NFS1: variants seen among roughly 807,000 people sequenced by gnomAD.
NFS1 encodes NFS1 cysteine desulfurase.
NFS1 carries 26 observed loss-of-function variants against 57.3 expected under a neutral mutation model. The ratio of observed to expected loss-of-function variants is 0.45; its 90% CI spans 0.33 to 0.63. The LOEUF (loss-of-function observed/expected upper bound fraction) is 0.63. NFS1 is among the 20% of genes least tolerant of loss of function. NFS1 has a pLI of 0.02. For synonymous variants in NFS1, 209 were observed against 216.3 expected, an observed-to-expected ratio of 0.97 and a Z score of 0.30; for missense variants, 505 against 605.8, an observed-to-expected ratio of 0.83 and a Z score of 1.75.
At chr20:35,676,773 A>C (rs1367971253) in intron 7 of NFS1, among the ~76,000 whole-genome samples, 6 of 148,840 alleles carry the variant, frequency 4.0e-5, no homozygotes, top group Admixed American at 6.7e-5. Context: ...AAAAAAAAAA[A>C]AAAAAAAAAA....
At chr20:35,698,759 A>C in intron 1 of NFS1, 169 bp from the exon 2 acceptor site, 3 of 1,413,212 alleles carry the variant, frequency 2.1e-6, no homozygotes, top group Non-Finnish European at 2.8e-6. Context: ...CACGCTGTAA[A>C]AGGAGGTAAG....
At chr20:35,689,665 G>A (rs1272438512) in intron 5 of NFS1, among the ~76,000 whole-genome samples, 1 of 152,058 alleles carries the variant, frequency 6.6e-6, no homozygotes, top group Non-Finnish European at 1.5e-5. Flanking sequence ...AGCTACTTGG[G>A]AGGCCGAGGC....
chr20:35,673,196 G>A (rs1265971170), intron 11 of NFS1, among the ~76,000 whole-genome samples: 1 of 152,030 alleles, frequency 6.6e-6, no homozygotes, highest in Non-Finnish European at 1.5e-5. Context: ...GCTGAGGCAG[G>A]AGAATTGCTT....
At chr20:35,675,301 T>G in intron 7 of NFS1, 99 bp from the exon 8 acceptor site, 1 of 1,277,872 alleles carries the variant, frequency 7.8e-7, no homozygotes, top group Middle Eastern at 2.0e-4. Context: ...TCAACTTTTC[T>G]GTAAGCATGA....
At position 35,697,673 on chromosome 20, in the gene NFS1, T is replaced by A. The variant is rs575011530; in HGVS notation, c.324+11A>T. The A allele has an allele frequency of 1.9e-6, 3 of 1,597,020 alleles. No homozygotes were observed. The African/African-American group carries it at 4.0e-5, about 21-fold the overall frequency. On this transcript the variant is annotated intron_variant, in intron 3 of 12. Transcript: ENST00000374092. ...TTGACCTTAGAACCTCCTAGACTCC[T>A]GTGTACTAACCTGACGAGCACGTTC...
chr20:35,675,818 C>T (rs1055650097), intron 7 of NFS1: 6 of 146,448 alleles, frequency 4.1e-5, no homozygotes, highest in African/African-American at 1.5e-4. Context: ...TTGCAGTGAG[C>T]TGAGATCAAG....
At position 35,698,557 on chromosome 20, in the gene NFS1, G is replaced by C. The variant is rs773479525; in HGVS notation, c.131C>G (p.Ala44Gly). 12 of 1,613,532 alleles carry C rather than the reference G, an allele frequency of 7.4e-6. No individual in the cohort carries two copies. The highest frequency in any genetic ancestry group is 1.0e-5 in the Non-Finnish European group (12 of 1,179,870). ...CACCTCCGGGGCAGCGGCTGTATCT[G>C]CGGGAACCGCAGACTGAGGAGCACG... ...GDRAPQSAVP[A>G]DTAAAPEVGP... Residue 44 changes from alanine to glycine, a missense_variant, in exon 2 of 13, where the codon GCA becomes GGA. By Grantham distance (60) the Ala-to-Gly change is moderately conservative. Coordinates refer to ENST00000374092, the MANE Select transcript of NFS1 (RefSeq NM_021100.5).
chr20:35,698,708 G>T (rs1039220825), intron 1 of NFS1, 118 bp from the exon 2 acceptor site: 7 of 1,425,124 alleles, frequency 4.9e-6, no homozygotes, highest in Non-Finnish European at 6.5e-6. Flanking sequence ...GGGATGCTAG[G>T]GTCGAATCTC....
At chr20:35,693,204 G>C (rs1259783024) in intron 4 of NFS1, among the ~76,000 whole-genome samples, 1 of 152,046 alleles carries the variant, frequency 6.6e-6, no homozygotes, top group Non-Finnish European at 1.5e-5. Flanking sequence ...CCGAGTTCAA[G>C]CAATTCTCTT....
rs1054199906 is a variant in NFS1 at position 35,674,430 on chromosome 20, G to A, written c.1056C>T (p.Gly352=). ...CATATGCAAAGGAGAGGTTGATACA[G>A]CCTGGAGGAAAGAAATACTGTGAGA... The part of the protein sequence containing the change: ...MNGDPKHHYP[G]CINLSFAYVE... The change falls in exon 10 of 13, where the codon GGC becomes GGT. Residue 352 remains glycine (G), a splice_region_variant and synonymous_variant. Coordinates refer to ENST00000374092, the MANE Select transcript of NFS1 (RefSeq NM_021100.5). 6.2e-7 allele frequency: 1 copy of A among 1,613,900 alleles called. No homozygotes were observed. Among genetic ancestry groups the A allele is most frequent in the Non-Finnish European group, 8.5e-7 (1 of 1,179,876 alleles).
chr20:35,680,955 A>ACCC, intron 6 of NFS1, 84 bp from the exon 7 acceptor site: 1 of 1,161,608 alleles, frequency 8.6e-7, no homozygotes, highest in Non-Finnish European at 1.1e-6. Context: ...AATTATCTCC[A>ACCC]ATAGTAAATG....
At chr20:35,698,783 G>C (rs1478854168) in intron 1 of NFS1, 193 bp from the exon 2 acceptor site, 1 of 1,396,586 alleles carries the variant, frequency 7.2e-7, no homozygotes, top group African/African-American at 1.5e-5. Context: ...GAGGGAGAGA[G>C]GGTTCCTGGA....
At chr20:35,674,062 A>G (rs898622572) in intron 10 of NFS1, 2 of 475,794 alleles carry the variant, frequency 4.2e-6, no homozygotes, top group East Asian at 4.0e-5. Context: ...AGCATCTTCA[A>G]TTCTAGAGGC....
rs766798320 is a variant in NFS1, at chr20:35,698,561, G to A, written c.127C>T (p.Pro43Ser). Residue 43 changes from proline (P) to serine (S), a missense_variant, in exon 2 of 13, where the codon CCC becomes TCC. By Grantham distance (74) the Pro-to-Ser change is moderately conservative (BLOSUM62 -1). Coordinates refer to ENST00000374092, the MANE Select transcript of NFS1 (RefSeq NM_021100.5). The part of the protein sequence containing the change: ...VGDRAPQSAV[P>S]ADTAAAPEVG... ...TCCGGGGCAGCGGCTGTATCTGCGG[G>A]AACCGCAGACTGAGGAGCACGGTCT... 54 of 1,613,386 alleles carry A rather than the reference G, an allele frequency of 3.3e-5. No individual in the cohort carries two copies. Among genetic ancestry groups the A allele is most frequent in the African/African-American group, 5.3e-5 (4 of 74,912 alleles).
intron 5 of NFS1, among the ~76,000 whole-genome samples, chr20:35,689,929 CAAA>C (rs779636716): frequency 1.1e-4 from 8 of 70,968 alleles, no homozygotes; most frequent in African/African-American, 2.3e-4. Flanking sequence ...GACTCTGCCT[CAAA>C]AAAAAAAAAA....
intron 5 of NFS1, among the ~76,000 whole-genome samples, chr20:35,683,690 G>A (rs762653138): frequency 6.7e-6 from 1 of 149,828 alleles, no homozygotes; most frequent in Admixed American, 6.7e-5. Flanking sequence ...GCTGAGGCAG[G>A]AGAATCGCTT....
At chr20:35,692,265 T>G (rs1259571614) in intron 4 of NFS1, 1 of 267,072 alleles carries the variant, frequency 3.7e-6, no homozygotes. Context: ...TCCCGGCTAC[T>G]CAGGAGGATG....
chr20:35,685,020 G>A (rs911274225), intron 5 of NFS1, among the ~76,000 whole-genome samples: 18 of 151,584 alleles, frequency 1.2e-4, no homozygotes, highest in African/African-American at 4.1e-4. Flanking sequence ...CTGAGTAGCC[G>A]AGATTATGGG....
At chr20:35,675,276 G>T in intron 7 of NFS1, 74 bp from the exon 8 acceptor site, 2 of 1,420,174 alleles carry the variant, frequency 1.4e-6, no homozygotes, top group Non-Finnish European at 1.9e-6. Context: ...TTTCCAAAGG[G>T]ATCAAAATAT....
Sources: gnomAD v4.1 joint callset for allele counts (sites outside exome capture counted in the v4.1 genomes callset) on GRCh38, gnomAD v4.1.1 for gene constraint, MANE v1.5 for transcripts, NCBI Gene and HGNC (gene_info 2026-07-23, HGNC 2026-07-21) for gene names.